CNTN6: variants seen among roughly 807,000 people sequenced by gnomAD.
CNTN6 encodes the protein contactin-6.
A neutral mutation model predicts 122.8 loss-of-function variants in CNTN6; 137 were observed. The observed-to-expected ratio is 1.12, with a 90% CI of 0.97 to 1.29. CNTN6 has a LOEUF of 1.29. Among genes scored for constraint, CNTN6 ranks in the 50% most tolerant of loss-of-function variants. The pLI, the probability that CNTN6 is intolerant of heterozygous loss-of-function variation, is 0.00. For synonymous variants in CNTN6, 570 were observed against 426.0 expected (o/e 1.34, Z -4.16); for missense variants, 1,634 against 1,223.4 (o/e 1.34, Z -5.01).
In CNTN6 at chr3:1,385,608, C is replaced by G; in HGVS notation, c.2518-3C>G. ...ATTGCTTGTTTTGGTTTTTAATTATCAGGTCTTATACTGGACAGATGACTC... is the reference window on the plus strand; with the variant it reads ...ATTGCTTGTTTTGGTTTTTAATTATGAGGTCTTATACTGGACAGATGACTC... On this transcript the variant is annotated splice_region_variant and splice_polypyrimidine_tract_variant and intron_variant, in intron 19 of 22. Coordinates refer to ENST00000446702, the MANE Select transcript of CNTN6 (RefSeq NM_001289080.2). 6.3e-7 allele frequency: 1 copy of G among 1,575,442 alleles called. No homozygotes were observed. The highest frequency in any genetic ancestry group is 8.6e-7 in the Non-Finnish European group (1 of 1,165,134).
chr3:1,375,014 A>T (rs1490303850), intron 16 of CNTN6, among the ~76,000 whole-genome samples: 1 of 152,100 alleles, frequency 6.6e-6, no homozygotes, highest in African/African-American at 2.4e-5. Flanking sequence ...TGTTTGTGAC[A>T]GAGCTAGGTT....
chr3:1,267,612 G>A (rs2094947300), intron 4 of CNTN6, among the ~76,000 whole-genome samples: 2 of 152,192 alleles, frequency 1.3e-5, no homozygotes, highest in Admixed American at 6.5e-5. Context: ...TTGGAATGCT[G>A]ATATCCAAGT....
rs138736578 is a variant in CNTN6, at chr3:1,261,440, G to A, written c.359-16973G>A. 2.8e-3 allele frequency among the ~76,000 whole-genome samples: 431 copies of A among 152,242 alleles called. 1 individual carries two copies. The highest frequency in any genetic ancestry group is 9.5e-3 in the African/African-American group (396 of 41,548). On this transcript the variant is annotated intron_variant, in intron 4 of 22. Transcript: ENST00000446702. The stretch of plus-strand genomic sequence containing the variant: ...TCAAGCACATCTCATTATTAGCCCA[G>A]CATAGGCCAAGGAAACTGGGACATT...
chr3:1,158,807 C>CAT (rs1491200992), intron 2 of CNTN6, among the ~76,000 whole-genome samples: 1 of 37,648 alleles, frequency 2.7e-5, no homozygotes, highest in South Asian at 7.4e-4. Context: ...TATATACACA[C>CAT]ATATATATAC....
intron 4 of CNTN6, among the ~76,000 whole-genome samples, chr3:1,235,733 C>G (rs2094412884): frequency 6.6e-6 from 1 of 152,130 alleles, no homozygotes. Context: ...AACTGGATCA[C>G]CGCTGCAGGC....
intron 8 of CNTN6, among the ~76,000 whole-genome samples, chr3:1,322,579 TTTCC>T (rs774472451): frequency 7.9e-5 from 12 of 151,702 alleles, no homozygotes; most frequent in South Asian, 4.1e-4. Flanking sequence ...GCCAAAATAC[TTTCC>T]TATGTGACAT....
At position 1,403,615 on chromosome 3, in the gene CNTN6, C is replaced by G; in HGVS notation, c.*197C>G. On this transcript the variant is annotated 3_prime_UTR_variant, in exon 23 of 23. Coordinates refer to ENST00000446702, the MANE Select transcript of CNTN6 (RefSeq NM_001289080.2). Reference sequence around the variant, plus strand: ...AAACACTTTTGAATTTTAAAATCCGCACATGATTACATGAATTCCTAGGTG... The same window carrying G: ...AAACACTTTTGAATTTTAAAATCCGGACATGATTACATGAATTCCTAGGTG... 1 of 366,048 alleles carries G rather than the reference C, an allele frequency of 2.7e-6. No individual in the cohort carries two copies. The highest frequency in any genetic ancestry group is 4.8e-6 in the Non-Finnish European group (1 of 206,478). The allele number at this position is 366,048 out of a possible 1,614,324, so 22.7% of individuals were successfully genotyped here. A position where few individuals can be genotyped will look rare whatever the true frequency, so the allele number is the denominator to read the frequency against.
chr3:1,388,442 T>C (rs1272547322), intron 20 of CNTN6, among the ~76,000 whole-genome samples: 1 of 149,044 alleles, frequency 6.7e-6, no homozygotes, highest in Non-Finnish European at 1.5e-5. Context: ...CAAAAGTAGA[T>C]AAAAACCACA....
chr3:1,139,873 C>G (rs946451477), intron 1 of CNTN6, among the ~76,000 whole-genome samples: 10 of 152,288 alleles, frequency 6.6e-5, no homozygotes, highest in Middle Eastern at 3.4e-3. Flanking sequence ...AACATGGCTG[C>G]TGGGATTGGC....
chr3:1,388,218 A>G lies in CNTN6; in HGVS notation c.2704+2421A>G, dbSNP rs1470299935. Reference sequence around the variant, plus strand: ...CCCAGCATGCAGCTGGAGATCTGAGAACTGGCACACTGCCTCCTCAAGTGG... The same window carrying G: ...CCCAGCATGCAGCTGGAGATCTGAGGACTGGCACACTGCCTCCTCAAGTGG... On this transcript the variant is annotated intron_variant, in intron 20 of 22. Transcript: ENST00000446702. Among the ~76,000 whole-genome samples, 8 of 149,872 alleles carry G rather than the reference A, an allele frequency of 5.3e-5. No homozygotes were observed. The East Asian group carries it at 5.9e-4, about 11-fold the overall frequency.
chr3:1,217,834 TCAGTGCC>T (rs2094149378), intron 2 of CNTN6, among the ~76,000 whole-genome samples: 1 of 152,218 alleles, frequency 6.6e-6, no homozygotes, highest in African/African-American at 2.4e-5. Context: ...TCCTGCCTTT[TCAGTGCC>T]TTTAACTCAA....
intron 4 of CNTN6, among the ~76,000 whole-genome samples, chr3:1,256,266 A>T (rs2094757111): frequency 6.6e-6 from 1 of 152,186 alleles, no homozygotes; most frequent in African/African-American, 2.4e-5. Context: ...CTGGGAGCCT[A>T]TTGAGTCATT....
intron 8 of CNTN6, 152 bp from the exon 9 acceptor site, chr3:1,325,663 C>T (rs1168214738): frequency 1.6e-6 from 1 of 618,970 alleles, no homozygotes; most frequent in East Asian, 3.0e-5. Flanking sequence ...CGCATTGAAG[C>T]TCCTGCATGT....
chr3:1,377,511 A>T (rs1710050529), intron 17 of CNTN6, among the ~76,000 whole-genome samples: 1 of 152,168 alleles, frequency 6.6e-6, no homozygotes, highest in African/African-American at 2.4e-5. Flanking sequence ...GCTTAGGCAC[A>T]TGGAGTAGAT....
intron 4 of CNTN6, among the ~76,000 whole-genome samples, chr3:1,276,763 C>G (rs1692444381): frequency 6.6e-6 from 1 of 152,140 alleles, no homozygotes; most frequent in African/African-American, 2.4e-5. Context: ...ACTGATGCGA[C>G]AGAGACCCCA....
chr3:1,326,704 C>T (rs116610654), intron 9 of CNTN6, among the ~76,000 whole-genome samples: 1,709 of 151,984 alleles, frequency 0.011, 32 homozygotes, highest in African/African-American at 0.039. Flanking sequence ...GCCAGAGACA[C>T]AAAGAACATC....
chr3:1,279,031 G>A (rs971112748), intron 5 of CNTN6, among the ~76,000 whole-genome samples: 1 of 152,176 alleles, frequency 6.6e-6, no homozygotes, highest in African/African-American at 2.4e-5. Context: ...CTATGGAGAA[G>A]CAAATTCCAA....
chr3:1,332,835 G>A (rs1297631519), intron 11 of CNTN6, among the ~76,000 whole-genome samples: 1 of 151,972 alleles, frequency 6.6e-6, no homozygotes, highest in Non-Finnish European at 1.5e-5. Context: ...GAACCATTAC[G>A]TGGTAGCCAA....
chr3:1,335,622 AC>A (rs1398493999), intron 11 of CNTN6, among the ~76,000 whole-genome samples: 2 of 152,168 alleles, frequency 1.3e-5, no homozygotes, highest in Non-Finnish European at 2.9e-5. Flanking sequence ...AGCATTAAAT[AC>A]AATTCCTGAA....
Sources: allele counts gnomAD v4.1 joint callset (sites outside exome capture counted in the v4.1 genomes callset), GRCh38; gene constraint gnomAD v4.1.1; transcripts MANE v1.5; gene names NCBI Gene and HGNC (gene_info 2026-07-23, HGNC 2026-07-21).